The following PRSS55 variants were observed in gnomAD, a reference collection of about 807,000 sequenced individuals.
PRSS55 encodes serine protease 55.
In PRSS55, 41 loss-of-function variants were observed where a neutral mutation model predicts 23.6. The ratio of observed to expected loss-of-function variants is 1.74; its 90% CI spans 1.35 to 2.26. The LOEUF (loss-of-function observed/expected upper bound fraction) is 2.26, where lower values mean the gene tolerates loss of function less well. Ranked by LOEUF, PRSS55 falls within the 30% of genes most tolerant of loss-of-function variation. The pLI, the probability that PRSS55 is intolerant of heterozygous loss-of-function variation, is 0.00. For synonymous variants in PRSS55, 262 were observed against 175.5 expected, an observed-to-expected ratio of 1.49 and a Z score of -3.90; for missense variants, 669 against 439.1, an observed-to-expected ratio of 1.52 and a Z score of -4.68.
At chr8:10,533,755 G>A (rs1235212896) in intron 4 of PRSS55, among the ~76,000 whole-genome samples, 1 of 152,188 alleles carries the variant, frequency 6.6e-6, no homozygotes, top group Non-Finnish European at 1.5e-5. Flanking sequence ...CTAGGGACCT[G>A]CTCATTGGCC....
intron 4 of PRSS55, among the ~76,000 whole-genome samples, chr8:10,550,379 G>T (rs568345559): frequency 6.6e-6 from 1 of 152,218 alleles, no homozygotes; most frequent in Non-Finnish European, 1.5e-5. Context: ...TATGGAGTCA[G>T]CAGCCTGGCC....
At chr8:10,549,549 A>T (rs1405923532) in intron 4 of PRSS55, among the ~76,000 whole-genome samples, 1 of 152,158 alleles carries the variant, frequency 6.6e-6, no homozygotes, top group Non-Finnish European at 1.5e-5. Flanking sequence ...GCTAAATGTG[A>T]CAGTGATGAG....
At chr8:10,533,096 G>A in intron 4 of PRSS55, 48 bp downstream of exon 4, 1 of 1,596,174 alleles carries the variant, frequency 6.3e-7, no homozygotes, top group Non-Finnish European at 8.6e-7. Context: ...CACCCTCTGG[G>A]AACTGCCAGT....
intron 4 of PRSS55, among the ~76,000 whole-genome samples, chr8:10,535,364 A>C (rs1812418232): frequency 6.6e-6 from 1 of 152,210 alleles, no homozygotes; most frequent in Non-Finnish European, 1.5e-5. Context: ...TGATACAAAA[A>C]CTGACACATA....
At chr8:10,542,099 C>T (rs34994999), downstream of PRSS55, among the ~76,000 whole-genome samples, 11,850 of 152,142 alleles carry the variant, frequency 0.078, 565 homozygotes, top group Middle Eastern at 0.12. Context: ...GTGAAAGCAA[C>T]GTTTTGTCAT....
At chr8:10,528,925 C>T (rs1307820206) in intron 1 of PRSS55, among the ~76,000 whole-genome samples, 1 of 152,154 alleles carries the variant, frequency 6.6e-6, no homozygotes, top group African/African-American at 2.4e-5. Context: ...CTTTGCCTTT[C>T]CTCTGCAGTC....
At chr8:10,529,334 G>T in intron 1 of PRSS55, 173 bp from the exon 2 acceptor site, 1 of 660,858 alleles carries the variant, frequency 1.5e-6, no homozygotes. Context: ...TAAACCATCT[G>T]CCGGCTGATG....
intron 4 of PRSS55, among the ~76,000 whole-genome samples, chr8:10,550,808 G>C (rs540951507): frequency 6.6e-6 from 1 of 152,368 alleles, no homozygotes; most frequent in East Asian, 1.9e-4. Context: ...TGGCAGGTGT[G>C]TGTGTGCATG....
intron 4 of PRSS55, among the ~76,000 whole-genome samples, chr8:10,551,591 A>G (rs1373140913): frequency 6.6e-6 from 1 of 152,210 alleles, no homozygotes; most frequent in Non-Finnish European, 1.5e-5. Flanking sequence ...TGTGCGAGGT[A>G]GGGGCACCCC....
chr8:10,544,759 C>G (rs1474880507), intron 4 of PRSS55, among the ~76,000 whole-genome samples: 2 of 152,202 alleles, frequency 1.3e-5, no homozygotes, highest in African/African-American at 4.8e-5. Flanking sequence ...TAACTTATTT[C>G]TAGTAAGAGA....
intron 4 of PRSS55, 57 bp downstream of exon 4, chr8:10,533,105 G>C: frequency 1.3e-6 from 2 of 1,566,088 alleles, no homozygotes; most frequent in Non-Finnish European, 1.8e-6. Flanking sequence ...GGAACTGCCA[G>C]TGCAAGGGTA....
At chr8:10,530,272 C>T (rs910291231) in intron 2 of PRSS55, among the ~76,000 whole-genome samples, 1 of 152,044 alleles carries the variant, frequency 6.6e-6, no homozygotes, top group Non-Finnish European at 1.5e-5. Flanking sequence ...GTCAGGAGTT[C>T]GAGACTGGCC....
rs771081101 is a variant in PRSS55, at chr8:10,531,328, C to T, written c.381C>T (p.Asn127=). ...PEELSVVLGT[N]DLTSPSMEIK... ...AACTGAGTGTCGTGCTGGGGACCAA[C>T]GACTTAACTAGCCCATCCATGGAAA... is the stretch of plus-strand genomic sequence containing the variant. The change falls in exon 3 of 5, where the codon AAC becomes AAT. Residue 127 remains asparagine (N), a synonymous_variant. Coordinates refer to ENST00000328655, the MANE Select transcript of PRSS55 (RefSeq NM_198464.4). 121 of 1,614,006 alleles carry T rather than the reference C, an allele frequency of 7.5e-5. No homozygotes were observed. Among genetic ancestry groups the T allele is most frequent in the Admixed American group, 2.3e-4 (14 of 60,000 alleles).
chr8:10,550,006 G>A (rs113551765), intron 4 of PRSS55, among the ~76,000 whole-genome samples: 10,227 of 152,138 alleles, frequency 0.067, 399 homozygotes, highest in Middle Eastern at 0.12. Flanking sequence ...TGCAGCCTCC[G>A]CCTCCCAGGT....
chr8:10,533,138 C>A (rs1219173855), intron 4 of PRSS55, 90 bp downstream of exon 4: 3 of 1,372,862 alleles, frequency 2.2e-6, no homozygotes, highest in African/African-American at 1.4e-5. Flanking sequence ...TGCAAATAGA[C>A]AATTCTGAGT....
rs759559890 is a variant in PRSS55, at chr8:10,529,492, C to T, written c.155-15C>T. 1.9e-6 allele frequency: 3 copies of T among 1,613,656 alleles called. No homozygotes were observed. In the South Asian group the frequency reaches 3.3e-5, roughly 18 times the overall value. ...TGTTTCCCCTTTTCCTTTCCACTCTCTTTCTTTCCACCAGAATGTGGTGAC... is the reference window on the plus strand; with the variant it reads ...TGTTTCCCCTTTTCCTTTCCACTCTTTTTCTTTCCACCAGAATGTGGTGAC... On this transcript the variant is annotated splice_polypyrimidine_tract_variant and intron_variant, in intron 1 of 4. Transcript: ENST00000328655.
chr8:10,527,246 T>C (rs536377665), intron 1 of PRSS55, among the ~76,000 whole-genome samples: 1 of 152,360 alleles, frequency 6.6e-6, no homozygotes, highest in East Asian at 1.9e-4. Context: ...TGTGGCTTAC[T>C]TTAGTCACCC....
chr8:10,528,574 C>T (rs1004981481), intron 1 of PRSS55, among the ~76,000 whole-genome samples: 8 of 152,232 alleles, frequency 5.3e-5, no homozygotes, highest in African/African-American at 1.4e-4. Flanking sequence ...CAGCTTTGCT[C>T]TCAGTCCCCT....
At chr8:10,534,487 T>A (rs567531341) in intron 4 of PRSS55, among the ~76,000 whole-genome samples, 20 of 152,306 alleles carry the variant, frequency 1.3e-4, no homozygotes, top group African/African-American at 4.8e-4. Context: ...GCTGCTCAGC[T>A]CCTTTGGTAA....
Sources: allele counts gnomAD v4.1 joint callset (sites outside exome capture counted in the v4.1 genomes callset), GRCh38; gene constraint gnomAD v4.1.1; transcripts MANE v1.5; gene names NCBI Gene and HGNC (gene_info 2026-07-23, HGNC 2026-07-21).